FAM184A: variants seen among roughly 807,000 people sequenced by gnomAD.
FAM184A encodes the protein family with sequence similarity 184 member A.
In FAM184A, 99 loss-of-function variants were observed where a neutral mutation model predicts 143.8. The observed-to-expected ratio is 0.69, with a 90% CI of 0.58 to 0.81. FAM184A has a LOEUF of 0.81. FAM184A is among the 40% of genes least tolerant of loss of function. The pLI is 0.00. For synonymous variants in FAM184A, 427 were observed against 446.4 expected, an observed-to-expected ratio of 0.96 and a Z score of 0.55; for missense variants, 1,217 against 1,310.5, an observed-to-expected ratio of 0.93 and a Z score of 1.10.
chr6:118,968,353 C>T (rs1266665065), intron 14 of FAM184A, among the ~76,000 whole-genome samples: 2 of 152,238 alleles, frequency 1.3e-5, no homozygotes, highest in Non-Finnish European at 2.9e-5. Context: ...TCCTGGGCTG[C>T]ATATGGCCTG....
At chr6:118,974,935 G>A in intron 13 of FAM184A, 89 bp downstream of exon 13, 1 of 1,037,266 alleles carries the variant, frequency 9.6e-7, no homozygotes, top group East Asian at 2.4e-5. Context: ...AGCCAGTCTA[G>A]TCACAAAATT....
intron 8 of FAM184A, 36 bp downstream of exon 8, chr6:119,003,465 G>T (rs779518459): frequency 2.1e-5 from 34 of 1,587,384 alleles, no homozygotes; most frequent in Non-Finnish European, 2.8e-5. Context: ...TTTCTTGCAT[G>T]TCTTTATTGA....
intron 1 of FAM184A, among the ~76,000 whole-genome samples, chr6:119,137,584 C>T (rs1475101879): frequency 1.3e-5 from 2 of 152,190 alleles, no homozygotes; most frequent in African/African-American, 4.8e-5. Flanking sequence ...CCACAGTAGG[C>T]ACCTACTATG....
At chr6:119,041,275 G>C (rs1003233749) in intron 1 of FAM184A, among the ~76,000 whole-genome samples, 2 of 152,162 alleles carry the variant, frequency 1.3e-5, no homozygotes, top group African/African-American at 4.8e-5. Flanking sequence ...AAATTATGAT[G>C]AGATGGGACT....
chr6:118,983,343 T>C (rs967996539), intron 9 of FAM184A, among the ~76,000 whole-genome samples: 3 of 152,232 alleles, frequency 2.0e-5, no homozygotes, highest in South Asian at 4.1e-4. Flanking sequence ...ATATAATCAA[T>C]AGAAATACAT....
intron 9 of FAM184A, among the ~76,000 whole-genome samples, chr6:118,984,313 A>C (rs753652796): frequency 2.7e-5 from 4 of 150,390 alleles, no homozygotes; most frequent in Non-Finnish European, 5.9e-5. Flanking sequence ...TCAGCCTCCT[A>C]AGTAGCTGGG....
chr6:119,032,593 A>G (rs1785928427), intron 1 of FAM184A, among the ~76,000 whole-genome samples: 1 of 114,632 alleles, frequency 8.7e-6, no homozygotes, highest in Non-Finnish European at 1.7e-5. Context: ...GGAGGAGAAG[A>G]GCAGGAGAAG....
chr6:119,084,645 G>A (rs991518655), intron 1 of FAM184A, among the ~76,000 whole-genome samples: 2 of 152,244 alleles, frequency 1.3e-5, no homozygotes, highest in Non-Finnish European at 2.9e-5. Context: ...ACTAGGCAAT[G>A]TCCCAGTGAG....
At chr6:119,013,596 C>T (rs183088407) in intron 5 of FAM184A, among the ~76,000 whole-genome samples, 1 of 152,294 alleles carries the variant, frequency 6.6e-6, no homozygotes, top group East Asian at 1.9e-4. Context: ...CAAACTGGTT[C>T]TGGAATAGTG....
intron 1 of FAM184A, among the ~76,000 whole-genome samples, chr6:119,090,048 T>A (rs1788328502): frequency 6.6e-6 from 1 of 152,238 alleles, no homozygotes; most frequent in Non-Finnish European, 1.5e-5. Flanking sequence ...CAACCCTTTC[T>A]ATGAATATCA....
intron 1 of FAM184A, among the ~76,000 whole-genome samples, chr6:119,034,569 T>TG (rs968922906): frequency 3.8e-5 from 3 of 79,290 alleles, no homozygotes; most frequent in South Asian, 4.7e-4. Flanking sequence ...ATATATAGTT[T>TG]TTTTTTTTTT....
At chr6:119,009,355 G>A (rs1050098331) in intron 6 of FAM184A, among the ~76,000 whole-genome samples, 2 of 152,092 alleles carry the variant, frequency 1.3e-5, no homozygotes, top group African/African-American at 4.8e-5. Flanking sequence ...TTATGGGGTG[G>A]GTCTTTCCTG....
chr6:118,961,583 A>G (rs1452978365), intron 17 of FAM184A, among the ~76,000 whole-genome samples, 178 bp downstream of exon 17: 1 of 152,092 alleles, frequency 6.6e-6, no homozygotes, highest in African/African-American at 2.4e-5. Flanking sequence ...ATTAGAAAAA[A>G]TCTTTTTAAC....
At chr6:118,986,605 T>C (rs112572409) in intron 9 of FAM184A, among the ~76,000 whole-genome samples, 231 of 152,352 alleles carry the variant, frequency 1.5e-3, no homozygotes, top group Non-Finnish European at 2.9e-3. Context: ...CAGCCCCTTT[T>C]ACTTTTTTTG....
Position 119,016,861 on chromosome 6 carries a change from C to G in FAM184A, c.1416G>C (p.Val472=), listed in dbSNP as rs1305878257. 2 of 1,614,026 alleles carry G rather than the reference C, an allele frequency of 1.2e-6. No homozygotes were observed. The highest frequency in any genetic ancestry group is 2.7e-5 in the African/African-American group (2 of 75,026). The change falls in exon 5 of 18, where the codon GTG becomes GTC. Residue 472 remains valine (V), a synonymous_variant. Transcript: ENST00000338891. ...KNLQSRLEEE[V]TQLNEAHSKT... ...TAGAATGGGCCTCGTTTAATTGAGT[C>G]ACCTCCTCTTCCAATCTACTTTGCA...
At chr6:119,067,960 A>C (rs1490427647) in intron 1 of FAM184A, among the ~76,000 whole-genome samples, 1 of 152,046 alleles carries the variant, frequency 6.6e-6, no homozygotes, top group Non-Finnish European at 1.5e-5. Flanking sequence ...CAACATAGCC[A>C]GACTCTATCT....
At position 119,078,307 on chromosome 6, in the gene FAM184A, A is replaced by G; in HGVS notation, c.-8T>C. The G allele has an allele frequency of 6.9e-7, 1 of 1,455,944 alleles. No individual in the cohort carries two copies. Among genetic ancestry groups the G allele is most frequent in the East Asian group, 2.9e-5 (1 of 34,896 alleles). 90.2% of individuals were successfully genotyped at this position (1,455,944 alleles called of 1,614,324 possible). On this transcript the variant is annotated 5_prime_UTR_variant, in exon 1 of 18. Coordinates refer to ENST00000338891, the MANE Select transcript of FAM184A (RefSeq NM_024581.6). The surrounding 1 kb of genome is among the most constrained non-coding windows in gnomAD (Gnocchi z 5.5). ...CATGCCCGGGGTCGCCATCTTCCCAACAGACCCCAGCCGGGGCACCTGTCC... is the reference window on the plus strand; with the variant it reads ...CATGCCCGGGGTCGCCATCTTCCCAGCAGACCCCAGCCGGGGCACCTGTCC...
intron 1 of FAM184A, among the ~76,000 whole-genome samples, chr6:119,039,678 G>A (rs2114724429): frequency 6.6e-6 from 1 of 152,262 alleles, no homozygotes; most frequent in South Asian, 2.1e-4. Flanking sequence ...ACTGGGGCTG[G>A]ACAGGGCTCT....
At position 118,960,050 on chromosome 6, in the gene FAM184A, T is replaced by TC; in HGVS notation, c.*52_*53insG. Reference sequence around the variant, plus strand: ...AAGCCTATTTACATAACAATCTGTATAAAGTCATGCTCTTAGTAACAGTCT... The same window carrying TC: ...AAGCCTATTTACATAACAATCTGTATCAAAGTCATGCTCTTAGTAACAGTCT... On this transcript the variant is annotated 3_prime_UTR_variant, in exon 18 of 18. Coordinates refer to ENST00000338891, the MANE Select transcript of FAM184A (RefSeq NM_024581.6). The TC allele has an allele frequency of 1.4e-6, 2 of 1,426,864 alleles. No individual in the cohort carries two copies. Among genetic ancestry groups the TC allele is most frequent in the South Asian group, 2.4e-5 (2 of 82,904 alleles). The allele number at this position is 1,426,864 out of a possible 1,614,324, so 88.4% of individuals were successfully genotyped here. A position where few individuals can be genotyped will look rare whatever the true frequency, so the allele number is the denominator to read the frequency against.
Sources: gnomAD v4.1 joint callset for allele counts (sites outside exome capture counted in the v4.1 genomes callset) on GRCh38, gnomAD v4.1.1 for gene constraint, Gnocchi (gnomAD v3.1) non-coding constraint, MANE v1.5 for transcripts, NCBI Gene and HGNC (gene_info 2026-07-23, HGNC 2026-07-21) for gene names.